Variants in PCTP observed in about 807,000 individuals in gnomAD.
The protein encoded by PCTP is START domain-containing protein 2.
PCTP carries 27 observed loss-of-function variants against 31.0 expected under a neutral mutation model. The ratio of observed to expected loss-of-function variants is 0.87; its 90% CI spans 0.64 to 1.20. The LOEUF (loss-of-function observed/expected upper bound fraction) is 1.20. Ranked by LOEUF, PCTP falls within the 50% of genes most tolerant of loss-of-function variation. The probability of loss-of-function intolerance (pLI) is 0.00; values close to 1 mark genes in which losing one functional copy is unlikely to be tolerated. For synonymous variants in PCTP, 108 were observed against 101.2 expected, an observed-to-expected ratio of 1.07 and a Z score of -0.40; for missense variants, 287 against 268.2, an observed-to-expected ratio of 1.07 and a Z score of -0.49.
At chr17:55,824,813 A>G (rs1198533383), downstream of PCTP, among the ~76,000 whole-genome samples, 6 of 152,314 alleles carry the variant, frequency 3.9e-5, no homozygotes, top group Middle Eastern at 3.4e-3. Flanking sequence ...ATCCATAGCC[A>G]CAGATTCCTT....
At position 55,767,421 on chromosome 17, in the gene PCTP, T is replaced by C; in HGVS notation, c.228T>C (p.Asp76=). 1 of 1,611,892 alleles carries C rather than the reference T, an allele frequency of 6.2e-7. No homozygotes were observed. The highest frequency in any genetic ancestry group is 8.5e-7 in the Non-Finnish European group (1 of 1,178,126). The change falls in exon 2 of 6, where the codon GAT becomes GAC. Residue 76 remains aspartate (D), a synonymous_variant. Transcript: ENST00000268896. The part of the protein sequence containing the change: ...TLLADIYMDS[D]YRKQWDQYVK... ...TGGCAGACATCTATATGGACTCAGA[T>C]TACAGAAAACAATGGGACCAGTATG...
At chr17:55,845,528 C>CGAG (rs1906120107), downstream of PCTP, among the ~76,000 whole-genome samples, 1 of 152,292 alleles carries the variant, frequency 6.6e-6, no homozygotes, top group Non-Finnish European at 1.5e-5. Flanking sequence ...CGCCTCGCCT[C>CGAG]GAGGAACGCC....
At chr17:55,800,354 C>T (rs937408777) in intron 3 of PCTP, among the ~76,000 whole-genome samples, 2 of 151,732 alleles carry the variant, frequency 1.3e-5, no homozygotes, top group South Asian at 4.2e-4. Context: ...CTTTCTTCTG[C>T]TTGATCGATT....
intron 1 of PCTP, among the ~76,000 whole-genome samples, chr17:55,759,131 G>A (rs1237426579): frequency 1.3e-5 from 2 of 152,188 alleles, no homozygotes; most frequent in Non-Finnish European, 2.9e-5. Flanking sequence ...CTGAATAGAG[G>A]TTCTTGTCTC....
rs952877656 is a variant in PCTP, at chr17:55,807,525, G to A, written c.318-15236G>A. On this transcript the variant is annotated intron_variant, in intron 3 of 3. Coordinates refer to the PCTP transcript ENST00000572536. ...TTTTTCTCCCTATTCATAGGTTTAA[G>A]AGAACATTGCCTTATATAAAACAGT... Among the ~76,000 whole-genome samples the A allele has an allele frequency of 2.8e-4, 42 of 152,234 alleles. 1 individual carries two copies. Among genetic ancestry groups the A allele is most frequent in the African/African-American group, 9.9e-4 (41 of 41,542 alleles).
rs547482058 is a variant in PCTP at position 55,814,307 on chromosome 17, A to T, written c.318-8454A>T. 2.0e-5 allele frequency among the ~76,000 whole-genome samples: 3 copies of T among 152,344 alleles called. No homozygotes were observed. The South Asian group carries it at 6.2e-4, about 32-fold the overall frequency. ...TAGATGAGGATTAGATAAGAGGAGA[A>T]ACAGAAGAAAAAAAGATCAAAAGTG... On this transcript the variant is annotated intron_variant, in intron 3 of 3. Transcript: ENST00000572536.
At chr17:55,810,423 C>G (rs763981547) in intron 3 of PCTP, among the ~76,000 whole-genome samples, 5 of 152,184 alleles carry the variant, frequency 3.3e-5, no homozygotes, top group Non-Finnish European at 7.3e-5. Flanking sequence ...TATCCACCTA[C>G]CTATAAAATC....
intron 1 of PCTP, among the ~76,000 whole-genome samples, chr17:55,751,946 A>G (rs926333271): frequency 6.6e-6 from 1 of 152,190 alleles, no homozygotes; most frequent in Admixed American, 6.5e-5. Context: ...GCAGCATGGC[A>G]AGTAGGTTAA....
chr17:55,795,045 C>T (rs763293809), intron 3 of PCTP, among the ~76,000 whole-genome samples: 29 of 151,968 alleles, frequency 1.9e-4, no homozygotes, highest in Non-Finnish European at 3.4e-4. Flanking sequence ...TACCCAATTC[C>T]ACACACATAC....
At chr17:55,814,916 T>A (rs1453551292) in intron 3 of PCTP, among the ~76,000 whole-genome samples, 1 of 152,184 alleles carries the variant, frequency 6.6e-6, no homozygotes, top group Non-Finnish European at 1.5e-5. Flanking sequence ...CTCTACCATC[T>A]TTTTTACTGA....
chr17:55,777,472 A>T, downstream of PCTP: 1 of 867,668 alleles, frequency 1.2e-6, no homozygotes, highest in Non-Finnish European at 1.4e-6. Context: ...CCTAATTTGT[A>T]GACTTAAACA....
chr17:55,809,131 C>T (rs1401481182), intron 3 of PCTP, among the ~76,000 whole-genome samples: 1 of 152,100 alleles, frequency 6.6e-6, no homozygotes, highest in Admixed American at 6.5e-5. Context: ...TCTCTGTGTC[C>T]AAATGATATA....
downstream of PCTP, among the ~76,000 whole-genome samples, chr17:55,779,557 G>T (rs543027845): frequency 6.6e-6 from 1 of 152,210 alleles, no homozygotes; most frequent in Non-Finnish European, 1.5e-5. Flanking sequence ...AAGTAGACAA[G>T]CCATGTAGGG....
rs1567707512 is a variant in PCTP at position 55,751,138 on chromosome 17, A to C, written c.35A>C (p.Gln12Pro). ...GCCGCCGGAAGCTTCTCGGAGGAGC[A>C]GTTCTGGGAGGCCTGCGCCGAGCTC... The part of the protein sequence containing the change: ...ELAAGSFSEE[Q>P]FWEACAELQQ... Residue 12 changes from glutamine (Q) to proline (P), a missense_variant, in exon 1 of 6, where the codon CAG (glutamine) becomes CCG (proline). Physicochemically the swap from Gln to Pro is moderately conservative, Grantham distance 76. Coordinates refer to ENST00000268896, the MANE Select transcript of PCTP (RefSeq NM_021213.4). 2 of 1,545,670 alleles carry C rather than the reference A, an allele frequency of 1.3e-6. No individual in the cohort carries two copies. Among genetic ancestry groups the C allele is most frequent in the Admixed American group, 4.0e-5 (2 of 50,394 alleles).
chr17:55,767,306 A>C, intron 1 of PCTP, 29 bp from the exon 2 acceptor site: 4 of 1,390,844 alleles, frequency 2.9e-6, no homozygotes, highest in Non-Finnish European at 3.0e-6. Context: ...GGGAACCAAT[A>C]GACATTTCTA....
intron 3 of PCTP, among the ~76,000 whole-genome samples, chr17:55,818,653 A>C (rs143115525): frequency 6.6e-6 from 1 of 152,234 alleles, no homozygotes; most frequent in East Asian, 1.9e-4. Context: ...AATTGGGTAC[A>C]GGAGTGAAAA....
downstream of PCTP, among the ~76,000 whole-genome samples, chr17:55,780,657 A>G (rs1016128823): frequency 1.3e-5 from 2 of 152,186 alleles, no homozygotes; most frequent in African/African-American, 2.4e-5. Context: ...CATATAGCAT[A>G]CTGCTTAGTT....
At chr17:55,846,256 T>C (rs1906147710), downstream of PCTP, among the ~76,000 whole-genome samples, 1 of 152,132 alleles carries the variant, frequency 6.6e-6, no homozygotes, top group African/African-American at 2.4e-5. Context: ...CCTGCTCAAT[T>C]CACCCATCAT....
rs561908465 is a variant in PCTP at position 55,821,395 on chromosome 17, T to A, written c.318-1366T>A. On this transcript the variant is annotated intron_variant, in intron 3 of 3. Transcript: ENST00000572536. ...AGAAATGGGAAGTGATGCTAATGGA[T>A]ATGGAGCTTCTTTTGGGGGTGATAA... 5.3e-5 allele frequency among the ~76,000 whole-genome samples: 8 copies of A among 152,312 alleles called. No homozygotes were observed. The South Asian group carries it at 1.7e-3, about 32-fold the overall frequency.
Sources: allele counts gnomAD v4.1 joint callset (sites outside exome capture counted in the v4.1 genomes callset), GRCh38; gene constraint gnomAD v4.1.1; transcripts MANE v1.5; gene names NCBI Gene and HGNC (gene_info 2026-07-23, HGNC 2026-07-21).